The following RYR3 variants were observed in gnomAD, a reference collection of about 807,000 sequenced individuals.
The protein encoded by RYR3 is ryanodine receptor 3.
Under a neutral mutation model 584.3 loss-of-function variants are expected in RYR3, and 207 were observed. That is an observed-to-expected ratio of 0.35 (90% CI 0.32 to 0.40). The LOEUF (loss-of-function observed/expected upper bound fraction) is 0.40. RYR3 is among the 10% of genes least tolerant of loss of function. RYR3 has a pLI of 1.00. For missense variants in RYR3, 5,616 were observed against 6,089.2 expected, an observed-to-expected ratio of 0.92 and a Z score of 2.59; for synonymous variants, 2,416 against 2,248.5, an observed-to-expected ratio of 1.07 and a Z score of -2.11.
At chr15:33,377,882 G>A (rs1205167238) in intron 1 of RYR3, among the ~76,000 whole-genome samples, 1 of 105,162 alleles carries the variant, frequency 9.5e-6, no homozygotes, top group Admixed American at 9.3e-5. Flanking sequence ...CCAGGCCCAG[G>A]CAATCCTCCT....
chr15:33,443,805 A>G (rs1260932344), intron 1 of RYR3, among the ~76,000 whole-genome samples: 6 of 152,282 alleles, frequency 3.9e-5, no homozygotes, highest in East Asian at 3.9e-4. Flanking sequence ...CATTTTCCTT[A>G]TAACTCTCCT....
At position 33,584,476 on chromosome 15, in the gene RYR3, T is replaced by G; in HGVS notation, c.1655T>G (p.Leu552Arg). The change falls in exon 15 of 104, where the codon CTA becomes CGA. Residue 552 changes from leucine to arginine, a missense_variant. Leu to Arg is a moderately radical substitution (Grantham distance 102). Transcript: ENST00000634891. The part of the protein sequence containing the change: ...LDWLISKLDR[L>R]ESSSGILEVL... ...TGGCTCATCAGTAAATTGGACAGAC[T>G]AGAATCTTCCTCAGGTGAGAATTGA... The G allele has an allele frequency of 6.5e-7, 1 of 1,545,446 alleles. No individual in the cohort carries two copies. Among genetic ancestry groups the G allele is most frequent in the South Asian group, 1.1e-5 (1 of 88,090 alleles).
rs1172832106 is a variant in RYR3 at position 33,336,442 on chromosome 15, G to GAA, written c.51+25347_51+25348insAA. The stretch of plus-strand genomic sequence containing the variant: ...CGAAAGAAAGAAAGAAAGAAAGAAA[G>GAA]AGAGAGAGAGAGAGAGAGAGAGAGA... On this transcript the variant is annotated intron_variant, in intron 1 of 103. Transcript: ENST00000634891. Among the ~76,000 whole-genome samples the GAA allele has an allele frequency of 2.5e-3, 26 of 10,566 alleles. 8 individuals are homozygous for GAA. Among genetic ancestry groups the GAA allele is most frequent in the African/African-American group, 0.019 (19 of 998 alleles). 6.9% of individuals were successfully genotyped at this position (10,566 alleles called of 152,430 possible). A position where few individuals can be genotyped will look rare whatever the true frequency, so the allele number is the denominator to read the frequency against.
chr15:33,494,915 A>G (rs972963258), intron 2 of RYR3, among the ~76,000 whole-genome samples: 3 of 152,208 alleles, frequency 2.0e-5, no homozygotes, highest in Non-Finnish European at 4.4e-5. Context: ...TTTTCTCAAA[A>G]TCTTTAAAAT....
intron 74 of RYR3, among the ~76,000 whole-genome samples, chr15:33,816,242 G>A (rs1243517329): frequency 6.6e-6 from 1 of 152,148 alleles, no homozygotes; most frequent in Non-Finnish European, 1.5e-5. Flanking sequence ...CTGGCTTATC[G>A]GGAGTGGCTC....
intron 24 of RYR3, 78 bp from the exon 25 acceptor site, chr15:33,634,508 C>T: frequency 6.7e-7 from 1 of 1,481,498 alleles, no homozygotes; most frequent in Non-Finnish European, 9.4e-7. Flanking sequence ...AGGACTGTTG[C>T]TGGGAATATG....
At chr15:33,524,404 T>A (rs1203959319) in intron 3 of RYR3, among the ~76,000 whole-genome samples, 1 of 152,256 alleles carries the variant, frequency 6.6e-6, no homozygotes, top group Non-Finnish European at 1.5e-5. Context: ...GCCTCATAAT[T>A]TACTAGGTAA....
intron 1 of RYR3, among the ~76,000 whole-genome samples, chr15:33,417,283 T>G (rs575507258): frequency 6.6e-6 from 1 of 152,284 alleles, no homozygotes; most frequent in African/African-American, 2.4e-5. Context: ...TCTGGAAGTA[T>G]GGACATTTTA....
At chr15:33,773,208 A>G (rs1476000062) in intron 63 of RYR3, among the ~76,000 whole-genome samples, 2 of 152,230 alleles carry the variant, frequency 1.3e-5, no homozygotes, top group Non-Finnish European at 2.9e-5. Context: ...CTGGGCTAAA[A>G]TGTCTCTATT....
chr15:33,819,117 C>T (rs1397195199), intron 76 of RYR3, among the ~76,000 whole-genome samples: 1 of 151,926 alleles, frequency 6.6e-6, no homozygotes, highest in Non-Finnish European at 1.5e-5. Flanking sequence ...GAGCAAAACT[C>T]CGTCTCCAGA....
At chr15:33,498,466 T>C (rs1272911425) in intron 2 of RYR3, among the ~76,000 whole-genome samples, 1 of 152,204 alleles carries the variant, frequency 6.6e-6, no homozygotes, top group South Asian at 2.1e-4. Context: ...TGCCCACTTC[T>C]GTGTCTTCTT....
chr15:33,576,108 G>A (rs1253716388), intron 12 of RYR3, among the ~76,000 whole-genome samples: 1 of 152,126 alleles, frequency 6.6e-6, no homozygotes, highest in Non-Finnish European at 1.5e-5. Context: ...TGAAATTGAG[G>A]CAGTAATAAA....
intron 5 of RYR3, among the ~76,000 whole-genome samples, chr15:33,535,582 G>A (rs2055258222): frequency 6.6e-6 from 1 of 152,190 alleles, no homozygotes; most frequent in Admixed American, 6.5e-5. Context: ...TAGACCAACT[G>A]TCAATCCTGA....
At chr15:33,372,490 G>A (rs937128645) in intron 1 of RYR3, among the ~76,000 whole-genome samples, 2 of 148,916 alleles carry the variant, frequency 1.3e-5, no homozygotes, top group Admixed American at 6.8e-5. Context: ...TCACCCTCCC[G>A]AGTAGCTGGG....
chr15:33,316,121 T>C (rs1252501342), intron 1 of RYR3, among the ~76,000 whole-genome samples: 1 of 152,132 alleles, frequency 6.6e-6, no homozygotes, highest in African/African-American at 2.4e-5. Context: ...AAAAAAATGG[T>C]GAAAAAGAAA....
chr15:33,561,587 C>T (rs2057401505), intron 10 of RYR3, among the ~76,000 whole-genome samples: 1 of 152,054 alleles, frequency 6.6e-6, no homozygotes, highest in African/African-American at 2.4e-5. Flanking sequence ...GGTAATGACG[C>T]AATACATATG....
At chr15:33,843,325 A>G (rs1292951926) in intron 91 of RYR3, among the ~76,000 whole-genome samples, 163 bp from the exon 92 acceptor site, 3 of 152,076 alleles carry the variant, frequency 2.0e-5, no homozygotes, top group Non-Finnish European at 4.4e-5. Flanking sequence ...ATCTCAAAAA[A>G]AAAGAAAGAA....
At chr15:33,555,531 GA>G (rs1291120837) in intron 10 of RYR3, among the ~76,000 whole-genome samples, 1 of 152,138 alleles carries the variant, frequency 6.6e-6, no homozygotes, top group Non-Finnish European at 1.5e-5. Context: ...GTCAGTCAAG[GA>G]AAACCTTGGG....
intron 38 of RYR3, among the ~76,000 whole-genome samples, chr15:33,690,230 A>G (rs2065316461): frequency 6.6e-6 from 1 of 152,206 alleles, no homozygotes. Context: ...GGCTGAAGAA[A>G]GCCATGCAGC....
Sources: gnomAD v4.1 joint callset for allele counts (sites outside exome capture counted in the v4.1 genomes callset) on GRCh38, gnomAD v4.1.1 for gene constraint, MANE v1.5 for transcripts, NCBI Gene and HGNC (gene_info 2026-07-23, HGNC 2026-07-21) for gene names.